STK32A: variants seen among roughly 807,000 people sequenced by gnomAD.
The protein encoded by STK32A is serine/threonine-protein kinase 32A.
STK32A carries 41 observed loss-of-function variants against 53.2 expected under a neutral mutation model. The observed-to-expected ratio is 0.77, with a 90% CI of 0.60 to 1.00. The LOEUF is 1.00. Among genes scored for constraint, STK32A ranks in the 50% least tolerant of loss-of-function variants. The pLI is 0.00. For missense variants in STK32A, 458 were observed against 485.8 expected (o/e 0.94, Z 0.54); for synonymous variants, 166 against 162.8 (o/e 1.02, Z -0.15).
intron 11 of STK32A, among the ~76,000 whole-genome samples, chr5:147,380,476 A>AAAAATAAT (rs1757407934): frequency 6.6e-6 from 1 of 152,124 alleles, no homozygotes; most frequent in African/African-American, 2.4e-5. Context: ...CTAGGTTAAA[A>AAAAATAAT]AAAAATAATA....
intron 2 of STK32A, among the ~76,000 whole-genome samples, chr5:147,257,780 C>T (rs1317897817): frequency 6.6e-6 from 1 of 152,074 alleles, no homozygotes; most frequent in African/African-American, 2.4e-5. Context: ...ACCGGAAATT[C>T]TAGGGGTGGT....
chr5:147,364,016 G>T (rs1756634769), intron 8 of STK32A, among the ~76,000 whole-genome samples: 1 of 151,948 alleles, frequency 6.6e-6, no homozygotes, highest in Non-Finnish European at 1.5e-5. Context: ...AGTAATTCGA[G>T]TCCAACCTGA....
At chr5:147,318,247 T>A (rs2151975524) in intron 4 of STK32A, among the ~76,000 whole-genome samples, 1 of 152,316 alleles carries the variant, frequency 6.6e-6, no homozygotes, top group East Asian at 1.9e-4. Flanking sequence ...AATATAGATA[T>A]GCCTTTTTGT....
At chr5:147,375,903 G>T (rs1212071950) in intron 11 of STK32A, 5 of 152,134 alleles carry the variant, frequency 3.3e-5, no homozygotes, top group Non-Finnish European at 7.4e-5. Flanking sequence ...AAGTAATAAA[G>T]TTACTTTGCC....
the STK32A span, chr5:147,395,564 A>C: frequency 6.2e-7 from 1 of 1,611,702 alleles, no homozygotes; most frequent in Non-Finnish European, 8.5e-7. Flanking sequence ...CTCACCTGAC[A>C]GGCTAAATCC....
chr5:147,399,173 C>T, the STK32A span: 7 of 1,614,200 alleles, frequency 4.3e-6, no homozygotes, highest in Admixed American at 1.7e-5. Context: ...TCTTCCCTTG[C>T]GGGGATACAG....
At chr5:147,235,576 C>T (rs555440146) in intron 1 of STK32A, among the ~76,000 whole-genome samples, 19 of 152,326 alleles carry the variant, frequency 1.2e-4, no homozygotes, top group African/African-American at 3.8e-4. Flanking sequence ...ATTCACACAA[C>T]GGACTGCTAT....
intron 5 of STK32A, among the ~76,000 whole-genome samples, chr5:147,337,125 T>G (rs10079191): frequency 6.6e-6 from 1 of 152,038 alleles, no homozygotes; most frequent in Non-Finnish European, 1.5e-5. Flanking sequence ...ACATCAATTC[T>G]TCCTTGGATC....
At chr5:147,239,321 C>A (rs1034297162) in intron 1 of STK32A, among the ~76,000 whole-genome samples, 12 of 152,252 alleles carry the variant, frequency 7.9e-5, no homozygotes, top group African/African-American at 2.9e-4. Flanking sequence ...AAATATGTTG[C>A]TTTCCTCCCA....
At chr5:147,355,792 G>GTGTGTGTATATATATATATATATATATA (rs984298293) in intron 7 of STK32A, among the ~76,000 whole-genome samples, 16 of 147,764 alleles carry the variant, frequency 1.1e-4, no homozygotes, top group African/African-American at 3.8e-4. Context: ...GTGTGTGTGT[G>GTGTGTGTATATATATATATATATATATA]TATATATATA....
chr5:147,287,736 A>G (rs2151959288), intron 4 of STK32A, among the ~76,000 whole-genome samples: 1 of 152,246 alleles, frequency 6.6e-6, no homozygotes, highest in Non-Finnish European at 1.5e-5. Flanking sequence ...ACCCTTAGCA[A>G]TCATCAAATT....
At chr5:147,275,166 A>T (rs1755199293) in intron 2 of STK32A, among the ~76,000 whole-genome samples, 1 of 152,122 alleles carries the variant, frequency 6.6e-6, no homozygotes. Context: ...TGACAAAATA[A>T]TCCACAATTC....
In STK32A at chr5:147,387,461, G is replaced by A. The variant is rs1032779019; in HGVS notation, c.*3478G>A. 4 of 152,250 alleles carry A rather than the reference G, an allele frequency of 2.6e-5. No individual in the cohort carries two copies. Among genetic ancestry groups the A allele is most frequent in the African/African-American group, 7.2e-5 (3 of 41,470 alleles). 9.4% of individuals were successfully genotyped at this position (152,250 alleles called of 1,614,324 possible). A position where few individuals can be genotyped will look rare whatever the true frequency, so the allele number is the denominator to read the frequency against. On this transcript the variant is annotated 3_prime_UTR_variant, in exon 13 of 13. Coordinates refer to ENST00000397936, the MANE Select transcript of STK32A (RefSeq NM_001112724.2). ...CATAGCTTTTGTAGATTGGATGGAAGAATAAGTAGGAAGAAAGAGTATTAA... is the reference window on the plus strand; with the variant it reads ...CATAGCTTTTGTAGATTGGATGGAAAAATAAGTAGGAAGAAAGAGTATTAA...
intron 5 of STK32A, among the ~76,000 whole-genome samples, chr5:147,330,746 T>C (rs1483052008): frequency 2.0e-5 from 3 of 152,242 alleles, no homozygotes; most frequent in Non-Finnish European, 1.5e-5. Context: ...ATTGTTTCTC[T>C]GCTCTACCAC....
At chr5:147,326,363 C>T (rs1394344672) in intron 5 of STK32A, among the ~76,000 whole-genome samples, 2 of 152,148 alleles carry the variant, frequency 1.3e-5, no homozygotes, top group Admixed American at 6.5e-5. Context: ...AACAGGATGA[C>T]ATTTTGAGTG....
rs552500755 is a variant in STK32A at position 147,237,325 on chromosome 5, T to A, written c.-97+2126T>A. 1.3e-4 allele frequency among the ~76,000 whole-genome samples: 19 copies of A among 151,900 alleles called. 1 individual carries two copies. The East Asian group carries it at 2.3e-3, about 19-fold the overall frequency. ...AAGACTCCATCTCAAAAAAAAAAAA[T>A]TAATGTTCTCTTTAGGACCATTCAT... On this transcript the variant is annotated intron_variant, in intron 1 of 12. Coordinates refer to ENST00000397936, the MANE Select transcript of STK32A (RefSeq NM_001112724.2).
At chr5:147,339,673 G>T (rs1450732102) in intron 5 of STK32A, among the ~76,000 whole-genome samples, 4 of 152,280 alleles carry the variant, frequency 2.6e-5, no homozygotes, top group Admixed American at 2.6e-4. Context: ...GCTGCCCAAG[G>T]TTGTGGGAGC....
intron 2 of STK32A, among the ~76,000 whole-genome samples, chr5:147,244,213 A>T (rs1753695273): frequency 6.6e-6 from 1 of 152,214 alleles, no homozygotes; most frequent in African/African-American, 2.4e-5. Flanking sequence ...ATGTGTCAAG[A>T]TTCTCTTTCT....
chr5:147,368,616 A>G (rs1206535215), intron 8 of STK32A, among the ~76,000 whole-genome samples: 1 of 152,198 alleles, frequency 6.6e-6, no homozygotes, highest in South Asian at 2.1e-4. Flanking sequence ...TAATTGGTAA[A>G]TAAATAAATA....
Sources: allele counts gnomAD v4.1 joint callset (sites outside exome capture counted in the v4.1 genomes callset), GRCh38; gene constraint gnomAD v4.1.1; transcripts MANE v1.5; gene names NCBI Gene and HGNC (gene_info 2026-07-23, HGNC 2026-07-21).